The following MSRA variants were observed in gnomAD, a reference collection of about 807,000 sequenced individuals.
The protein encoded by MSRA is methionine sulfoxide reductase A.
In MSRA, 54 loss-of-function variants were observed where a neutral mutation model predicts 31.3. That is an observed-to-expected ratio of 1.73 (90% CI 1.39 to 2.17). The LOEUF is 2.17. MSRA is among the 30% of genes most tolerant of loss of function. The pLI is 0.00. For missense variants in MSRA, 507 were observed against 300.9 expected (o/e 1.69, Z -5.07); for synonymous variants, 169 against 116.5 (o/e 1.45, Z -2.90).
intron 1 of MSRA, among the ~76,000 whole-genome samples, chr8:10,148,325 A>T (rs1438590563): frequency 6.7e-6 from 1 of 150,250 alleles, no homozygotes; most frequent in African/African-American, 2.5e-5. Context: ...TTTTTATGAG[A>T]AAGGGAAAAT....
intron 1 of MSRA, among the ~76,000 whole-genome samples, chr8:10,207,191 G>T (rs146396293): frequency 1.3e-5 from 2 of 152,298 alleles, no homozygotes; most frequent in African/African-American, 4.8e-5. Flanking sequence ...TTACTTCCGA[G>T]TCCTCAGTGT....
At chr8:10,119,623 C>G (rs1800958724) in intron 1 of MSRA, among the ~76,000 whole-genome samples, 1 of 152,164 alleles carries the variant, frequency 6.6e-6, no homozygotes, top group Non-Finnish European at 1.5e-5. Flanking sequence ...AATGCTGTGA[C>G]AAAAGACACA....
chr8:10,054,634 C>T lies in MSRA; in HGVS notation c.118C>T (p.Arg40Trp). The change falls in exon 1 of 6, where the codon CGG becomes TGG. Residue 40 changes from arginine (R) to tryptophan (W), a missense_variant. Arg to Trp is a moderately radical substitution (Grantham distance 101). Coordinates refer to ENST00000317173, the MANE Select transcript of MSRA (RefSeq NM_012331.5). ...CAGCCCCCAGGAGGCCTTGCCGGGC[C>T]GGAAGGAACAGACCCCTGTAGCGGG... ...IVSPQEALPG[R>W]KEQTPVAAKH... is the part of the protein sequence containing the mutation. The T allele has an allele frequency of 3.8e-6, 6 of 1,576,054 alleles. No homozygotes were observed. The highest frequency in any genetic ancestry group is 2.3e-5 in the South Asian group (2 of 87,772).
chr8:10,078,066 A>T (rs1798083712), intron 1 of MSRA, among the ~76,000 whole-genome samples: 1 of 152,264 alleles, frequency 6.6e-6, no homozygotes, highest in Non-Finnish European at 1.5e-5. Context: ...AACACAAAAA[A>T]TAAAAGTTTA....
chr8:10,094,383 C>G (rs1030927851), intron 1 of MSRA, among the ~76,000 whole-genome samples: 6 of 152,186 alleles, frequency 3.9e-5, no homozygotes, highest in African/African-American at 1.4e-4. Context: ...ACACATGATC[C>G]TAATTGTGAA....
chr8:10,382,627 G>A (rs1005859790), intron 5 of MSRA, among the ~76,000 whole-genome samples: 1 of 152,222 alleles, frequency 6.6e-6, no homozygotes, highest in East Asian at 1.9e-4. Context: ...GCCAACAAGT[G>A]TTAAGGGTCC....
At chr8:10,212,375 G>A (rs1034958926) in intron 2 of MSRA, among the ~76,000 whole-genome samples, 11 of 151,998 alleles carry the variant, frequency 7.2e-5, no homozygotes, top group East Asian at 3.9e-4. Flanking sequence ...ATATTATAAC[G>A]TATTGCACCA....
At chr8:10,147,872 A>G (rs1023231009) in intron 1 of MSRA, among the ~76,000 whole-genome samples, 2 of 152,202 alleles carry the variant, frequency 1.3e-5, no homozygotes, top group African/African-American at 4.8e-5. Context: ...TGAGCAGTGC[A>G]GAGACCCCGG....
chr8:10,156,575 A>T (rs1190198784), intron 1 of MSRA, among the ~76,000 whole-genome samples: 2 of 152,194 alleles, frequency 1.3e-5, no homozygotes, highest in Non-Finnish European at 2.9e-5. Context: ...CAATAAGTAA[A>T]ACTAAGTGGC....
rs564217848 is a variant in MSRA, at chr8:10,241,555, C to T, written c.212-3549C>T. ...TCCCTGTCCCATGTGAATTGTACCA[C>T]TGAGTAACAAAGTAGTAGCTGAGGG... On this transcript the variant is annotated intron_variant, in intron 2 of 5. Transcript: ENST00000317173. 3.3e-4 allele frequency among the ~76,000 whole-genome samples: 50 copies of T among 152,278 alleles called. No homozygotes were observed. The South Asian group carries it at 0.01, about 32-fold the overall frequency.
intron 3 of MSRA, among the ~76,000 whole-genome samples, chr8:10,254,643 C>A (rs1025810493): frequency 5.3e-5 from 8 of 152,222 alleles, no homozygotes; most frequent in African/African-American, 1.2e-4. Context: ...GACACTTGCA[C>A]AGTTAGTCAG....
chr8:10,113,289 C>CTTTTTTTTTTTG (rs1467440154), intron 1 of MSRA, among the ~76,000 whole-genome samples: 1 of 50,898 alleles, frequency 2.0e-5, no homozygotes, highest in Non-Finnish European at 3.2e-5. Flanking sequence ...GAAGACAGGT[C>CTTTTTTTTTTTG]TTCTTTTTTT....
At chr8:10,194,086 A>G (rs543547475) in intron 1 of MSRA, among the ~76,000 whole-genome samples, 2 of 152,316 alleles carry the variant, frequency 1.3e-5, no homozygotes, top group East Asian at 3.9e-4. Context: ...GGATGGAGCA[A>G]TAATTCAAAC....
At chr8:10,370,907 GT>G in intron 5 of MSRA, among the ~76,000 whole-genome samples, 1 of 152,314 alleles carries the variant, frequency 6.6e-6, no homozygotes, top group East Asian at 1.9e-4. Context: ...AGGCGCCAGC[GT>G]TTTGTTCTGG....
chr8:10,119,023 C>G (rs535774867), intron 1 of MSRA, among the ~76,000 whole-genome samples: 1 of 152,182 alleles, frequency 6.6e-6, no homozygotes, highest in East Asian at 1.9e-4. Flanking sequence ...GAGGAGGGAC[C>G]CCTCCCCGCC....
intron 3 of MSRA, among the ~76,000 whole-genome samples, chr8:10,266,448 G>A (rs896053842): frequency 6.6e-6 from 1 of 152,112 alleles, no homozygotes. Context: ...TTTTCTCATT[G>A]TAATTTTGAC....
At chr8:10,343,667 G>GC (rs1803585971) in intron 5 of MSRA, among the ~76,000 whole-genome samples, 2 of 152,158 alleles carry the variant, frequency 1.3e-5, no homozygotes, top group African/African-American at 2.4e-5. Context: ...TGTAAAGGGT[G>GC]CTGGGGGGTC....
At chr8:10,154,292 T>C (rs560075349) in intron 1 of MSRA, among the ~76,000 whole-genome samples, 33,946 of 151,786 alleles carry the variant, frequency 0.22, 4,372 homozygotes, top group East Asian at 0.49. Context: ...GCAGGGGTGC[T>C]ACCCAATAAG....
chr8:10,284,184 C>G (rs1438244761), intron 3 of MSRA, among the ~76,000 whole-genome samples: 1 of 151,896 alleles, frequency 6.6e-6, no homozygotes, highest in Non-Finnish European at 1.5e-5. Flanking sequence ...GAGAATGAAT[C>G]ATTATTATTA....
Sources: gnomAD v4.1 joint callset for allele counts (sites outside exome capture counted in the v4.1 genomes callset) on GRCh38, gnomAD v4.1.1 for gene constraint, MANE v1.5 for transcripts, NCBI Gene and HGNC (gene_info 2026-07-23, HGNC 2026-07-21) for gene names.